Variants in SAMMSON observed in about 807,000 individuals in gnomAD.
The protein encoded by SAMMSON is long intergenic non-protein coding RNA 1212.
chr3:70,385,745 A>G lies in SAMMSON; in HGVS notation n.914-3829A>G, dbSNP rs142606003. ...CTGATTAGTGGCAATAACTCACTATATCACCTTTTTCTACATTCTTGTCCA... is the reference window on the plus strand; with the variant it reads ...CTGATTAGTGGCAATAACTCACTATGTCACCTTTTTCTACATTCTTGTCCA... On this transcript the variant is annotated intron_variant and non_coding_transcript_variant, in intron 9 of 9. Coordinates refer to ENST00000642114, the Ensembl canonical transcript of SAMMSON. 2.0e-5 allele frequency among the ~76,000 whole-genome samples: 3 copies of G among 152,214 alleles called. No homozygotes were observed. In the East Asian group the frequency reaches 5.8e-4, roughly 29 times the overall value.
intron 6 of SAMMSON, among the ~76,000 whole-genome samples, chr3:70,290,177 C>T (rs1210547577): frequency 1.3e-5 from 2 of 152,100 alleles, no homozygotes; most frequent in African/African-American, 4.8e-5. Context: ...TGTTTTTTCC[C>T]CATCTTTGTG....
intron 6 of SAMMSON, among the ~76,000 whole-genome samples, chr3:70,258,382 T>C (rs1057237650): frequency 7.9e-5 from 12 of 152,170 alleles, no homozygotes; most frequent in African/African-American, 2.7e-4. Flanking sequence ...ACAGTTCATT[T>C]ATTGGAAAAA....
At chr3:70,301,519 T>C (rs1702348818) in intron 7 of SAMMSON, among the ~76,000 whole-genome samples, 6 of 152,154 alleles carry the variant, frequency 3.9e-5, no homozygotes, top group Admixed American at 3.9e-4. Flanking sequence ...CTTGTGTAAG[T>C]ATGTGTCTTG....
At chr3:70,043,188 A>T (rs529882367) in intron 3 of SAMMSON, among the ~76,000 whole-genome samples, 67 of 152,222 alleles carry the variant, frequency 4.4e-4, no homozygotes, top group African/African-American at 1.5e-3. Flanking sequence ...TGGTCCTGCC[A>T]CTGATTAGTT....
intron 4 of SAMMSON, among the ~76,000 whole-genome samples, chr3:70,095,170 G>T (rs1238793695): frequency 6.6e-6 from 1 of 152,094 alleles, no homozygotes; most frequent in East Asian, 1.9e-4. Flanking sequence ...CTTATCTTAG[G>T]TCTACGTGCC....
chr3:70,183,765 A>G (rs1701071603), intron 4 of SAMMSON: 2 of 152,180 alleles, frequency 1.3e-5, no homozygotes. Flanking sequence ...ATCCTTATGA[A>G]CTAATTCAAT....
chr3:70,104,493 T>C (rs2067359155), intron 4 of SAMMSON, among the ~76,000 whole-genome samples: 1 of 152,074 alleles, frequency 6.6e-6, no homozygotes, highest in African/African-American at 2.4e-5. Flanking sequence ...CTAGGTAATA[T>C]GTAAAGTTTA....
chr3:70,125,970 AT>A, intron 4 of SAMMSON: 1 of 787,700 alleles, frequency 1.3e-6, no homozygotes, highest in Non-Finnish European at 2.2e-6. Context: ...GAAGAGGTGG[AT>A]GCAATGGCAT....
intron 2 of SAMMSON, among the ~76,000 whole-genome samples, chr3:70,404,741 C>A (rs918928714): frequency 1.3e-5 from 2 of 152,120 alleles, no homozygotes; most frequent in Non-Finnish European, 2.9e-5. Flanking sequence ...GCAAGCCCTA[C>A]GACTGCCCTG....
intron 6 of SAMMSON, among the ~76,000 whole-genome samples, chr3:70,269,908 G>A (rs975032179): frequency 1.3e-5 from 2 of 152,042 alleles, no homozygotes; most frequent in African/African-American, 2.4e-5. Flanking sequence ...CTATTCTTAA[G>A]TGACAATAAC....
intron 1 of SAMMSON, among the ~76,000 whole-genome samples, chr3:70,004,977 A>C (rs898194200): frequency 1.3e-5 from 2 of 152,212 alleles, no homozygotes; most frequent in Non-Finnish European, 2.9e-5. Context: ...TGCTTTATCC[A>C]GCATTGTTTC....
intron 4 of SAMMSON, among the ~76,000 whole-genome samples, chr3:70,101,380 A>G (rs1316502689): frequency 2.0e-5 from 3 of 151,624 alleles, no homozygotes; most frequent in African/African-American, 7.3e-5. Context: ...CTGGGAAAAT[A>G]TTGGGGACAT....
chr3:70,386,250 T>C (rs1703122148), intron 9 of SAMMSON, among the ~76,000 whole-genome samples: 1 of 152,088 alleles, frequency 6.6e-6, no homozygotes, highest in Admixed American at 6.6e-5. Flanking sequence ...CACACCCTAG[T>C]GTCCATCTCA....
chr3:70,225,453 AAC>A (rs1701494832), intron 4 of SAMMSON, among the ~76,000 whole-genome samples: 1 of 152,322 alleles, frequency 6.6e-6, no homozygotes, highest in Non-Finnish European at 1.5e-5. Flanking sequence ...TTATCTCAAA[AAC>A]ATTGTAAATC....
intron 6 of SAMMSON, among the ~76,000 whole-genome samples, chr3:70,290,014 C>T (rs1276102460): frequency 1.3e-4 from 19 of 151,638 alleles, no homozygotes; most frequent in Non-Finnish European, 2.4e-4. Flanking sequence ...AATGTCCTCC[C>T]GTAGCTCAGA....
chr3:70,138,545 G>T (rs1363794303), intron 4 of SAMMSON, among the ~76,000 whole-genome samples: 1 of 152,138 alleles, frequency 6.6e-6, no homozygotes, highest in Non-Finnish European at 1.5e-5. Context: ...CACCTAGGTG[G>T]CTAGAATTTT....
chr3:70,136,211 T>C (rs2067505132), intron 4 of SAMMSON, among the ~76,000 whole-genome samples: 1 of 152,188 alleles, frequency 6.6e-6, no homozygotes, highest in South Asian at 2.1e-4. Context: ...TTCACACCGT[T>C]GTGTAGTCCC....
At chr3:70,424,325 G>T (rs1701337258) in intron 2 of SAMMSON, among the ~76,000 whole-genome samples, 2 of 152,250 alleles carry the variant, frequency 1.3e-5, no homozygotes, top group Middle Eastern at 3.4e-3. Context: ...ATAACATGCA[G>T]ATCAGAGCCA....
chr3:70,118,247 G>A (rs74280903), intron 4 of SAMMSON, among the ~76,000 whole-genome samples: 2 of 152,046 alleles, frequency 1.3e-5, no homozygotes, highest in African/African-American at 4.8e-5. Flanking sequence ...TAATATGCAC[G>A]GACAAATACA....
Sources: allele counts gnomAD v4.1 joint callset (sites outside exome capture counted in the v4.1 genomes callset), GRCh38; gene constraint gnomAD v4.1.1; transcripts MANE v1.5; gene names NCBI Gene and HGNC (gene_info 2026-07-23, HGNC 2026-07-21).